DPYD: variants seen among roughly 807,000 people sequenced by gnomAD.
DPYD encodes the protein dihydropyrimidine dehydrogenase.
In DPYD, 109 loss-of-function variants were observed where a neutral mutation model predicts 116.2. That is an observed-to-expected ratio of 0.94 (90% CI 0.80 to 1.10). DPYD has a LOEUF of 1.10. Ranked by LOEUF, DPYD falls within the 50% of genes least tolerant of loss-of-function variation. DPYD has a pLI of 0.00. For synonymous variants in DPYD, 440 were observed against 432.0 expected, an observed-to-expected ratio of 1.02 and a Z score of -0.23; for missense variants, 1,302 against 1,254.5, an observed-to-expected ratio of 1.04 and a Z score of -0.57.
rs750687600 is a variant in DPYD at position 97,691,764 on chromosome 1, C to T, written c.715G>A (p.Asp239Asn). ...SEIPQFRLPY[D>N]VVNFEIELMK... ...AGCTCAATCTCAAAATTCACTACATCATACGGCAGCCGGAACTGAGGAATT... is the reference window on the plus strand; with the variant it reads ...AGCTCAATCTCAAAATTCACTACATTATACGGCAGCCGGAACTGAGGAATT... The change falls in exon 7 of 23, where the codon GAT becomes AAT. Residue 239 changes from aspartate to asparagine, a missense_variant. Asp to Asn is a conservative substitution (Grantham distance 23, BLOSUM62 1). Transcript: ENST00000370192. 6.2e-7 allele frequency: 1 copy of T among 1,613,658 alleles called. No individual in the cohort carries two copies. Among genetic ancestry groups the T allele is most frequent in the Non-Finnish European group, 8.5e-7 (1 of 1,179,784 alleles).
chr1:97,741,174 C>CG (rs1357750514), intron 3 of DPYD, among the ~76,000 whole-genome samples: 7 of 152,130 alleles, frequency 4.6e-5, no homozygotes, highest in African/African-American at 1.7e-4. Flanking sequence ...GGTCAGTGAG[C>CG]GGGGTTGGAG....
At chr1:97,439,807 CATT>C (rs1675665552) in intron 14 of DPYD, among the ~76,000 whole-genome samples, 1 of 151,656 alleles carries the variant, frequency 6.6e-6, no homozygotes, top group African/African-American at 2.4e-5. Flanking sequence ...AAATGTAGGT[CATT>C]AACTTGAGAC....
chr1:97,785,539 A>T (rs1352813974), intron 3 of DPYD, among the ~76,000 whole-genome samples: 1 of 152,158 alleles, frequency 6.6e-6, no homozygotes, highest in African/African-American at 2.4e-5. Flanking sequence ...TCAATGCCGT[A>T]TGTTTTTATA....
intron 12 of DPYD, 72 bp downstream of exon 12, chr1:97,549,488 A>T: frequency 1.3e-6 from 2 of 1,481,970 alleles, no homozygotes; most frequent in Non-Finnish European, 1.9e-6. Context: ...GCTCTTATAG[A>T]TGAGTATCAA....
At chr1:97,083,330 C>G (rs750172740) in intron 21 of DPYD, among the ~76,000 whole-genome samples, 7 of 152,072 alleles carry the variant, frequency 4.6e-5, no homozygotes, top group African/African-American at 1.7e-4. Flanking sequence ...GGTCCATGTT[C>G]AAGGAGGTTT....
intron 14 of DPYD, among the ~76,000 whole-genome samples, chr1:97,414,675 G>T (rs144229101): frequency 2.0e-5 from 3 of 152,260 alleles, no homozygotes; most frequent in African/African-American, 7.2e-5. Context: ...TTATTTATTT[G>T]TAGAAGAGAT....
At chr1:97,720,973 A>T in intron 5 of DPYD, 14 of 1,593,572 alleles carry the variant, frequency 8.8e-6, no homozygotes, top group Non-Finnish European at 1.2e-5. Flanking sequence ...ATTTCCTTAT[A>T]CATTTTTTAC....
rs57740723 is a variant in DPYD, at chr1:97,530,214, CTTTTTTTTT to C, written c.1525-14282_1525-14274del. ...TATACATCAGAATTTCTTTTTTTTTCTTTTTTTTTTTTTTTTTTTTTGAGACGGAGTCTC... is the reference window on the plus strand; with the variant it reads ...TATACATCAGAATTTCTTTTTTTTTCTTTTTTTTTTTTGAGACGGAGTCTC... On this transcript the variant is annotated intron_variant, in intron 12 of 22. Transcript: ENST00000370192. Among the ~76,000 whole-genome samples, 20 of 112,698 alleles carry C rather than the reference CTTTTTTTTT, an allele frequency of 1.8e-4. 1 individual carries two copies. In the South Asian group the frequency reaches 2.9e-3, roughly 17 times the overall value. The allele number at this position is 112,698 out of a possible 152,430, so 73.9% of individuals were successfully genotyped here. A position where few individuals can be genotyped will look rare whatever the true frequency, so the allele number is the denominator to read the frequency against.
intron 13 of DPYD, among the ~76,000 whole-genome samples, chr1:97,494,476 G>T (rs1679148091): frequency 6.6e-6 from 1 of 152,132 alleles, no homozygotes; most frequent in Admixed American, 6.5e-5. Flanking sequence ...CAATTTCATT[G>T]CAATTTCTGT....
intron 19 of DPYD, among the ~76,000 whole-genome samples, chr1:97,201,320 C>A (rs1171174309): frequency 1.3e-5 from 2 of 152,074 alleles, no homozygotes; most frequent in African/African-American, 2.4e-5. Flanking sequence ...TCTGTCCACA[C>A]CTACTGATTA....
intron 4 of DPYD, among the ~76,000 whole-genome samples, chr1:97,739,856 T>C (rs1221086909): frequency 6.6e-6 from 1 of 152,116 alleles, no homozygotes; most frequent in Non-Finnish European, 1.5e-5. Context: ...TCAAAATTCC[T>C]TTTGTTCTAC....
chr1:97,745,644 T>C (rs1664506929), intron 3 of DPYD, among the ~76,000 whole-genome samples: 1 of 152,112 alleles, frequency 6.6e-6, no homozygotes, highest in South Asian at 2.1e-4. Flanking sequence ...GGGACTTACA[T>C]TAAATTCCAT....
intron 13 of DPYD, among the ~76,000 whole-genome samples, chr1:97,505,387 C>T (rs17377093): frequency 0.025 from 3,779 of 151,548 alleles, 73 homozygotes; most frequent in Non-Finnish European, 0.036. Context: ...CTCTCATGAC[C>T]GTGACTATCC....
chr1:97,773,021 T>A (rs2101169130), intron 3 of DPYD, among the ~76,000 whole-genome samples: 1 of 152,304 alleles, frequency 6.6e-6, no homozygotes, highest in East Asian at 1.9e-4. Context: ...ATTAGCTAGC[T>A]AAGAAATTTA....
chr1:97,390,415 T>A (rs1672629875), intron 14 of DPYD, among the ~76,000 whole-genome samples: 1 of 152,048 alleles, frequency 6.6e-6, no homozygotes, highest in Non-Finnish European at 1.5e-5. Flanking sequence ...AGAAAATAAG[T>A]TTATTAAATG....
chr1:97,709,400 A>AT (rs969251385), intron 5 of DPYD, among the ~76,000 whole-genome samples: 6 of 151,744 alleles, frequency 4.0e-5, no homozygotes, highest in Admixed American at 2.6e-4. Context: ...CATGGTATAT[A>AT]TTTTTTTAAT....
At chr1:97,238,462 A>G (rs1662102504) in intron 18 of DPYD, among the ~76,000 whole-genome samples, 3 of 152,162 alleles carry the variant, frequency 2.0e-5, no homozygotes, top group African/African-American at 7.2e-5. Context: ...GAAGGTATAT[A>G]AAAAGATCTT....
At position 97,910,515 on chromosome 1, in the gene DPYD, A is replaced by T. The variant is rs145254972; in HGVS notation, c.39+10369T>A. On this transcript the variant is annotated intron_variant, in intron 1 of 22. Transcript: ENST00000370192. ...GTAGTATTTTCTTCAACCACACAAC[A>T]ATCCTGTAATGTAAGTATGATTTCT... Among the ~76,000 whole-genome samples the T allele has an allele frequency of 1.4e-4, 22 of 152,192 alleles. No homozygotes were observed. The East Asian group carries it at 4.1e-3, about 28-fold the overall frequency.
intron 21 of DPYD, among the ~76,000 whole-genome samples, chr1:97,093,066 G>A (rs1650001683): frequency 6.6e-6 from 1 of 152,156 alleles, no homozygotes; most frequent in African/African-American, 2.4e-5. Context: ...TCCTCAAGGA[G>A]GCTTTCATTG....
Sources: gnomAD v4.1 joint callset for allele counts (sites outside exome capture counted in the v4.1 genomes callset) on GRCh38, gnomAD v4.1.1 for gene constraint, MANE v1.5 for transcripts, NCBI Gene and HGNC (gene_info 2026-07-23, HGNC 2026-07-21) for gene names.